The following NKAIN2 variants were observed in gnomAD, a reference collection of about 807,000 sequenced individuals.
NKAIN2 encodes sodium/potassium-transporting ATPase subunit beta-1-interacting protein 2.
In NKAIN2, 14 loss-of-function variants were observed where a neutral mutation model predicts 32.6. That is an observed-to-expected ratio of 0.43 (90% CI 0.28 to 0.67). The LOEUF (loss-of-function observed/expected upper bound fraction) is 0.67, where lower values mean the gene tolerates loss of function less well. Among genes scored for constraint, NKAIN2 ranks in the 30% least tolerant of loss-of-function variants. The pLI, the probability that NKAIN2 is intolerant of heterozygous loss-of-function variation, is 0.17. For missense variants in NKAIN2, 198 were observed against 258.3 expected (o/e 0.77, Z 1.60); for synonymous variants, 80 against 87.2 (o/e 0.92, Z 0.46).
intron 3 of NKAIN2, among the ~76,000 whole-genome samples, chr6:124,615,493 G>A (rs183951078): frequency 1.1e-3 from 174 of 152,108 alleles, no homozygotes; most frequent in African/African-American, 4.0e-3. Flanking sequence ...CAAAGATTTC[G>A]GAAAATATGA....
At chr6:124,237,771 T>A (rs1449010292) in intron 1 of NKAIN2, among the ~76,000 whole-genome samples, 6 of 152,066 alleles carry the variant, frequency 3.9e-5, no homozygotes, top group Admixed American at 3.3e-4. Flanking sequence ...AGCAATATCT[T>A]GAATGTATGA....
intron 2 of NKAIN2, among the ~76,000 whole-genome samples, chr6:124,316,079 G>A (rs1796938340): frequency 6.6e-6 from 1 of 152,020 alleles, no homozygotes; most frequent in Non-Finnish European, 1.5e-5. Context: ...ACAGTAGGGT[G>A]ACTAGAGTTA....
At chr6:124,061,436 T>C (rs185981597) in intron 1 of NKAIN2, among the ~76,000 whole-genome samples, 2 of 152,270 alleles carry the variant, frequency 1.3e-5, no homozygotes, top group African/African-American at 2.4e-5. Flanking sequence ...TTTCTCTATA[T>C]TTTTATCAAA....
intron 2 of NKAIN2, among the ~76,000 whole-genome samples, chr6:124,335,596 T>G (rs1323390704): frequency 6.6e-6 from 1 of 152,162 alleles, no homozygotes; most frequent in African/African-American, 2.4e-5. Context: ...TAGACTATGC[T>G]TATTCAAAAA....
intron 3 of NKAIN2, among the ~76,000 whole-genome samples, chr6:124,505,597 G>C (rs955994619): frequency 1.3e-5 from 2 of 152,140 alleles, no homozygotes; most frequent in African/African-American, 4.8e-5. Flanking sequence ...GTCAGTACAA[G>C]GTTCCAGCTG....
intron 4 of NKAIN2, among the ~76,000 whole-genome samples, chr6:124,762,835 G>A (rs542959109): frequency 5.2e-4 from 79 of 152,218 alleles, no homozygotes; most frequent in Non-Finnish European, 1.0e-3. Flanking sequence ...CAGGAGCAGG[G>A]GTGCCCCTGG....
chr6:124,376,866 A>T (rs1800015767), intron 3 of NKAIN2, among the ~76,000 whole-genome samples: 1 of 151,994 alleles, frequency 6.6e-6, no homozygotes, highest in African/African-American at 2.4e-5. Context: ...CCTAATTCAT[A>T]AAAAAAAGAC....
intron 3 of NKAIN2, among the ~76,000 whole-genome samples, chr6:124,619,635 G>A (rs1783037099): frequency 6.6e-6 from 1 of 152,158 alleles, no homozygotes. Flanking sequence ...CTCTGGTGAT[G>A]ACAGCATCAT....
chr6:124,732,658 G>T (rs1348303779), intron 4 of NKAIN2, among the ~76,000 whole-genome samples: 2 of 151,982 alleles, frequency 1.3e-5, no homozygotes, highest in African/African-American at 2.4e-5. Flanking sequence ...AGATTGTATG[G>T]ATGGTGATAT....
At chr6:124,278,940 G>C (rs1360524991) in intron 1 of NKAIN2, among the ~76,000 whole-genome samples, 3 of 152,000 alleles carry the variant, frequency 2.0e-5, no homozygotes. Flanking sequence ...TAATGAGGTA[G>C]ATCTATTAAT....
chr6:123,912,827 C>A, intron 1 of NKAIN2, among the ~76,000 whole-genome samples: 1 of 152,240 alleles, frequency 6.6e-6, no homozygotes, highest in African/African-American at 2.4e-5. Context: ...TCCTTTATAG[C>A]AATATAACTG....
intron 1 of NKAIN2, among the ~76,000 whole-genome samples, chr6:124,005,114 A>G (rs1780025246): frequency 6.6e-6 from 1 of 152,042 alleles, no homozygotes; most frequent in African/African-American, 2.4e-5. Flanking sequence ...AATCCCAGCT[A>G]CTTGGGAGGC....
intron 2 of NKAIN2, among the ~76,000 whole-genome samples, chr6:124,331,665 C>A (rs1797668195): frequency 6.6e-6 from 1 of 152,146 alleles, no homozygotes; most frequent in Non-Finnish European, 1.5e-5. Context: ...CCTTGTAACA[C>A]CTTGTGGCCC....
At chr6:124,099,434 G>A (rs1241760452) in intron 1 of NKAIN2, among the ~76,000 whole-genome samples, 2 of 152,218 alleles carry the variant, frequency 1.3e-5, no homozygotes, top group Non-Finnish European at 2.9e-5. Context: ...TGTCTATCTA[G>A]ATGGTAAGAA....
intron 3 of NKAIN2, among the ~76,000 whole-genome samples, chr6:124,386,759 C>G (rs1445570891): frequency 6.6e-6 from 1 of 152,164 alleles, no homozygotes; most frequent in East Asian, 1.9e-4. Context: ...CACAAATCTA[C>G]CTGGATGGTC....
chr6:124,096,720 T>G (rs1187945204), intron 1 of NKAIN2, among the ~76,000 whole-genome samples: 1 of 151,534 alleles, frequency 6.6e-6, no homozygotes. Context: ...TAGCCGGGCG[T>G]GGTGGCGGAT....
chr6:124,667,915 T>C (rs945643444), intron 4 of NKAIN2, among the ~76,000 whole-genome samples: 4 of 152,162 alleles, frequency 2.6e-5, no homozygotes, highest in African/African-American at 7.2e-5. Context: ...ACCAATCTTA[T>C]AAATAGGATC....
chr6:123,854,454 G>T (rs1219524017), intron 1 of NKAIN2, among the ~76,000 whole-genome samples: 1 of 152,066 alleles, frequency 6.6e-6, no homozygotes, highest in Non-Finnish European at 1.5e-5. Flanking sequence ...TTGACTGTTT[G>T]CTGGAAATGG....
At chr6:124,074,746 A>C (rs1783613814) in intron 1 of NKAIN2, among the ~76,000 whole-genome samples, 1 of 150,556 alleles carries the variant, frequency 6.6e-6, no homozygotes, top group African/African-American at 2.4e-5. Flanking sequence ...TAGCTTTCAG[A>C]GTTACACCCT....
Sources: gnomAD v4.1 joint callset for allele counts (sites outside exome capture counted in the v4.1 genomes callset) on GRCh38, gnomAD v4.1.1 for gene constraint, MANE v1.5 for transcripts, NCBI Gene and HGNC (gene_info 2026-07-23, HGNC 2026-07-21) for gene names.